Variants in HK1 observed in about 807,000 individuals in gnomAD.
The protein encoded by HK1 is hexokinase 1.
Under a neutral mutation model 91.6 loss-of-function variants are expected in HK1, and 28 were observed. That is an observed-to-expected ratio of 0.31 (90% CI 0.23 to 0.42). HK1 has a LOEUF of 0.42. HK1 is among the 10% of genes least tolerant of loss of function. HK1 has a pLI of 1.00. For missense variants in HK1, 770 were observed against 1,219.8 expected (o/e 0.63, Z 5.49); for synonymous variants, 430 against 468.1 (o/e 0.92, Z 1.05).
intron 5 of HK1, among the ~76,000 whole-genome samples, chr10:69,304,274 TATTA>T (rs1185948715): frequency 1.4e-5 from 2 of 141,436 alleles, no homozygotes; most frequent in Non-Finnish European, 3.0e-5. Context: ...TTTTTATTTT[TATTA>T]TTTATTTATT....
At chr10:69,316,590 CA>C (rs1385595711), upstream of HK1, among the ~76,000 whole-genome samples, 1 of 152,228 alleles carries the variant, frequency 6.6e-6, no homozygotes, top group East Asian at 1.9e-4. Context: ...CCAGGGAAGA[CA>C]AAGCAGAGGC....
chr10:69,365,005 T>G, intron 4 of HK1, 103 bp downstream of exon 4: 3 of 1,286,584 alleles, frequency 2.3e-6, no homozygotes, highest in Non-Finnish European at 2.3e-6. Flanking sequence ...CAGAATGGTT[T>G]GCATGTCTGG....
intron 3 of HK1, among the ~76,000 whole-genome samples, chr10:69,361,304 C>A (rs1306047591): frequency 6.6e-6 from 1 of 152,256 alleles, no homozygotes; most frequent in Non-Finnish European, 1.5e-5. Context: ...ACTCCCATTA[C>A]TGGGGCTGCA....
chr10:69,279,838 C>T (rs1844651319), intron 1 of HK1, among the ~76,000 whole-genome samples: 2 of 152,182 alleles, frequency 1.3e-5, no homozygotes, highest in African/African-American at 4.8e-5. Context: ...ATCTACAAAG[C>T]CACCCTCATG....
rs1323050534 is a variant in HK1, at chr10:69,273,061, C to T, written c.-391+2953C>T. 2.1e-5 allele frequency among the ~76,000 whole-genome samples: 3 copies of T among 140,766 alleles called. No individual in the cohort carries two copies. In the East Asian group the frequency reaches 6.1e-4, roughly 29 times the overall value. The allele number at this position is 140,766 out of a possible 152,430, so 92.3% of individuals were successfully genotyped here. A position where few individuals can be genotyped will look rare whatever the true frequency, so the allele number is the denominator to read the frequency against. ...TTTTTTTTTTTTTGAGATGGAGTCTCACTCTGTCAGCCAGGCTGGAGTGCA... is the reference window on the plus strand; with the variant it reads ...TTTTTTTTTTTTTGAGATGGAGTCTTACTCTGTCAGCCAGGCTGGAGTGCA... On this transcript the variant is annotated intron_variant, in intron 1 of 21. Transcript: ENST00000360289.
chr10:69,290,341 G>A (rs1365468357), intron 3 of HK1, among the ~76,000 whole-genome samples: 1 of 152,166 alleles, frequency 6.6e-6, no homozygotes, highest in East Asian at 1.9e-4. Context: ...CCACCTCGAG[G>A]CAAGAGGTGA....
At chr10:69,392,342 C>T (rs775364493) in intron 15 of HK1, 34 bp downstream of exon 15, 2 of 1,610,216 alleles carry the variant, frequency 1.2e-6, no homozygotes, top group Non-Finnish European at 1.7e-6. Context: ...CACTCACAGT[C>T]AGGGTGGGGG....
intron 3 of HK1, among the ~76,000 whole-genome samples, chr10:69,361,546 GCAAACATTCCCTGTGTGTTTTA>G (rs1388341321): frequency 5.3e-5 from 8 of 152,218 alleles, no homozygotes; most frequent in African/African-American, 1.4e-4. Flanking sequence ...ACCCTGTGCT[GCAAACATTCCCTGTGTGTTTTA>G]CAAACATTCC....
chr10:69,338,587 G>T, intron 1 of HK1: 1 of 1,289,550 alleles, frequency 7.8e-7, no homozygotes, highest in Non-Finnish European at 1.0e-6. Context: ...TGTGGGGAGG[G>T]ATTCTTCGGG....
rs187822102 is a variant in HK1, at chr10:69,369,762, G to T, written c.875+138G>T. 2,890 of 858,896 alleles carry T rather than the reference G, an allele frequency of 3.4e-3. 14 individuals are homozygous for T. The highest frequency in any genetic ancestry group is 4.3e-3 in the Non-Finnish European group (2,286 of 527,028). The allele number at this position is 858,896 out of a possible 1,614,324, so 53.2% of individuals were successfully genotyped here. On this transcript the variant is annotated intron_variant, in intron 7 of 17. Transcript: ENST00000359426. The surrounding 1 kb of genome is among the most constrained non-coding windows in gnomAD (Gnocchi z 4.4). ...GCCTGTCACATTTTTTTTTTGAGGC[G>T]GAGTCTTGCTCTGTCACCCAGGCTG...
chr10:69,359,727 C>T (rs1368288919), intron 2 of HK1, among the ~76,000 whole-genome samples, 170 bp from the exon 3 acceptor site: 3 of 152,186 alleles, frequency 2.0e-5, no homozygotes, highest in Admixed American at 1.3e-4. Flanking sequence ...GCCTACTCTG[C>T]GTATATGGCA....
At chr10:69,332,439 C>T (rs770177039) in intron 1 of HK1, among the ~76,000 whole-genome samples, 19 of 146,850 alleles carry the variant, frequency 1.3e-4, no homozygotes, top group African/African-American at 2.1e-4. Context: ...AGTGCACTGG[C>T]GCAATCTTGA....
chr10:69,363,406 T>C (rs1308941047), intron 3 of HK1, among the ~76,000 whole-genome samples: 1 of 152,208 alleles, frequency 6.6e-6, no homozygotes, highest in African/African-American at 2.4e-5. Context: ...TGAGACAGGG[T>C]CTCACTCTGC....
At chr10:69,374,693 G>A (rs905078579) in intron 7 of HK1, among the ~76,000 whole-genome samples, 1 of 151,778 alleles carries the variant, frequency 6.6e-6, no homozygotes, top group African/African-American at 2.4e-5. Context: ...GACCCTGGCC[G>A]TGGGCCTCTA....
chr10:69,306,024 C>A (rs1014970754), intron 5 of HK1, among the ~76,000 whole-genome samples: 2 of 152,026 alleles, frequency 1.3e-5, no homozygotes, highest in Non-Finnish European at 1.5e-5. Flanking sequence ...GTGACCCACA[C>A]TTTTTCCAAA....
intron 17 of HK1, among the ~76,000 whole-genome samples, chr10:69,400,319 A>G (rs991201062): frequency 1.3e-5 from 2 of 152,180 alleles, no homozygotes; most frequent in African/African-American, 4.8e-5. Flanking sequence ...GCCCCTCACC[A>G]CAAGCATCTT....
rs115071429 is a variant in HK1 at position 69,345,361 on chromosome 10, G to A, written c.226+1372G>A. 4.0e-3 allele frequency among the ~76,000 whole-genome samples: 611 copies of A among 152,268 alleles called. 4 individuals are homozygous for A. Among genetic ancestry groups the A allele is most frequent in the African/African-American group, 0.014 (588 of 41,546 alleles). ...TGGCCATCAGAGTGAATAGACTGTG[G>A]TCTACCCTGGGTGTGTTCGCTTGTC... On this transcript the variant is annotated intron_variant, in intron 2 of 17. Transcript: ENST00000359426.
At chr10:69,358,300 C>T (rs1564538448) in intron 2 of HK1, among the ~76,000 whole-genome samples, 1 of 152,322 alleles carries the variant, frequency 6.6e-6, no homozygotes, top group South Asian at 2.1e-4. Context: ...ATGGTTGGAA[C>T]TTTGCCCATG....
At position 69,401,230 on chromosome 10, in the gene HK1, C is replaced by T. The variant is rs535332263; in HGVS notation, c.*95C>T. 6.6e-4 allele frequency: 969 copies of T among 1,462,924 alleles called. 11 individuals carry two copies. The South Asian group carries it at 0.011, about 16-fold the overall frequency. The allele number at this position is 1,462,924 out of a possible 1,614,324, so 90.6% of individuals were successfully genotyped here. A position where few individuals can be genotyped will look rare whatever the true frequency, so the allele number is the denominator to read the frequency against. On this transcript the variant is annotated 3_prime_UTR_variant, in exon 18 of 18. Coordinates refer to ENST00000359426, the MANE Select transcript of HK1 (RefSeq NM_000188.3). The stretch of plus-strand genomic sequence containing the variant: ...AGCGAGTTGCGCTGGGAGACGCTGG[C>T]GCCAGGGCCTGCCGGCGCGGGGAGG...
Sources: allele counts gnomAD v4.1 joint callset (sites outside exome capture counted in the v4.1 genomes callset), GRCh38; gene constraint gnomAD v4.1.1; non-coding constraint Gnocchi (gnomAD v3.1); transcripts MANE v1.5; gene names NCBI Gene and HGNC (gene_info 2026-07-23, HGNC 2026-07-21).